GPC3: variants seen among roughly 807,000 people sequenced by gnomAD.
GPC3 encodes glypican 3.
In GPC3, 3 loss-of-function variants were observed where a neutral mutation model predicts 34.4. The ratio of observed to expected loss-of-function variants is 0.09; its 90% CI spans 0.04 to 0.23. The LOEUF is 0.23. Ranked by LOEUF, GPC3 falls within the 10% of genes least tolerant of loss-of-function variation. The pLI, the probability that GPC3 is intolerant of heterozygous loss-of-function variation, is 1.00. For synonymous variants in GPC3, 177 were observed against 174.0 expected (o/e 1.02, Z -0.13); for missense variants, 351 against 445.6 (o/e 0.79, Z 1.91).
At chrX:133,830,678 C>CAAAA (rs1174232524) in intron 2 of GPC3, among the ~76,000 whole-genome samples, 2 of 13,435 alleles carry the variant, frequency 1.5e-4, no homozygotes, top group Non-Finnish European at 2.4e-4. Flanking sequence ...GACTCCATCT[C>CAAAA]AAAAAAAAAA....
Position 133,692,426 on chromosome X carries a change from T to C in GPC3, c.1235A>G (p.His412Arg), listed in dbSNP as rs2071073427. The C allele has an allele frequency of 8.3e-7, 1 of 1,205,985 alleles. No individual in the cohort carries two copies. Among genetic ancestry groups the C allele is most frequent in the Non-Finnish European group, 1.1e-6 (1 of 889,670 alleles). The change falls in exon 5 of 8, where the codon CAT (histidine) becomes CGT (arginine). Residue 412 changes from histidine (H) to arginine (R), a missense_variant. His to Arg is a conservative substitution (Grantham distance 29). Coordinates refer to ENST00000370818, the MANE Select transcript of GPC3 (RefSeq NM_004484.4). ...YSALPGYICS[H>R]SPVAENDTLC... ...GGTGTCGTTTTCCGCCACAGGGCTATGGCTGCAGATGTAGCCAGGCAAAGC... is the reference window on the plus strand; with the variant it reads ...GGTGTCGTTTTCCGCCACAGGGCTACGGCTGCAGATGTAGCCAGGCAAAGC...
chrX:133,625,784 T>G (rs1321904205), intron 6 of GPC3, among the ~76,000 whole-genome samples: 5 of 112,050 alleles, frequency 4.5e-5, no homozygotes, highest in African/African-American at 1.3e-4. Context: ...AAGCTACCAA[T>G]GACTTTCTTC....
At chrX:133,931,055 T>G (rs1478578659) in intron 2 of GPC3, among the ~76,000 whole-genome samples, 5 of 110,747 alleles carry the variant, frequency 4.5e-5, no homozygotes, top group African/African-American at 1.6e-4. Flanking sequence ...CAAATAAGAG[T>G]GTCTGGAGTT....
chrX:133,756,918 A>G (rs185743287), intron 2 of GPC3, among the ~76,000 whole-genome samples: 1 of 112,471 alleles, frequency 8.9e-6, no homozygotes, highest in East Asian at 2.8e-4. Flanking sequence ...AACCAACACT[A>G]GGCGAAAAGC....
intron 2 of GPC3, among the ~76,000 whole-genome samples, chrX:133,926,144 CT>C (rs1353129572): frequency 9.0e-6 from 1 of 111,536 alleles, no homozygotes; most frequent in African/African-American, 3.3e-5. Flanking sequence ...AACCACCTCC[CT>C]AATTTACAAA....
intron 2 of GPC3, among the ~76,000 whole-genome samples, chrX:133,794,015 C>T (rs1569434090): frequency 8.9e-6 from 1 of 111,938 alleles, no homozygotes. Context: ...CTTCCATCTG[C>T]ACAAGAGACA....
At chrX:133,932,061 T>C (rs756241277) in intron 2 of GPC3, among the ~76,000 whole-genome samples, 5 of 112,124 alleles carry the variant, frequency 4.5e-5, no homozygotes, top group Admixed American at 9.5e-5. Context: ...TACTCCTTAA[T>C]CTGATCATTG....
rs369340949 is a variant in GPC3 at position 133,908,934 on chromosome X, A to C, written c.337+44116T>G. Among the ~76,000 whole-genome samples, 25 of 112,126 alleles carry C rather than the reference A, an allele frequency of 2.2e-4. No individual in the cohort carries two copies. The East Asian group carries it at 6.7e-3, about 30-fold the overall frequency. On this transcript the variant is annotated intron_variant, in intron 2 of 7. Transcript: ENST00000370818. ...GTAAGTTTTGACCTAGAGTTCCTAC[A>C]AGTTGAGATCATTTTAAATCTGGAG...
intron 2 of GPC3, among the ~76,000 whole-genome samples, chrX:133,817,811 T>A (rs1403804078): frequency 2.8e-5 from 3 of 108,265 alleles, no homozygotes; most frequent in Admixed American, 1.0e-4. Flanking sequence ...AAAATTATAA[T>A]GCAAGTTAGC....
chrX:133,815,571 A>G (rs1253811233), intron 2 of GPC3, among the ~76,000 whole-genome samples: 1 of 112,152 alleles, frequency 8.9e-6, no homozygotes, highest in African/African-American at 3.2e-5. Context: ...GAAAACTAAA[A>G]AAACTAAAAA....
At chrX:133,685,664 C>A (rs1340446546) in intron 5 of GPC3, among the ~76,000 whole-genome samples, 1 of 109,962 alleles carries the variant, frequency 9.1e-6, no homozygotes, top group African/African-American at 3.3e-5. Flanking sequence ...CCCTGCAGAT[C>A]TTAGGGAGTT....
chrX:133,785,414 C>T (rs1400299587), intron 2 of GPC3, among the ~76,000 whole-genome samples: 3 of 111,283 alleles, frequency 2.7e-5, no homozygotes, highest in African/African-American at 9.8e-5. Flanking sequence ...CTCAGTTTCT[C>T]GCCTGTAAAA....
intron 2 of GPC3, among the ~76,000 whole-genome samples, chrX:133,924,726 A>G (rs1208512598): frequency 8.9e-6 from 1 of 112,221 alleles, no homozygotes; most frequent in East Asian, 2.8e-4. Flanking sequence ...GTGAATAGGA[A>G]AAAGAAACTC....
chrX:133,899,948 G>T (rs963670618), intron 2 of GPC3, among the ~76,000 whole-genome samples: 1 of 110,468 alleles, frequency 9.1e-6, no homozygotes, highest in East Asian at 2.8e-4. Flanking sequence ...GATTACAGGC[G>T]CCCGCCACCA....
chrX:133,589,371 G>A (rs921178042), intron 7 of GPC3, among the ~76,000 whole-genome samples: 1 of 110,889 alleles, frequency 9.0e-6, no homozygotes, highest in Admixed American at 9.6e-5. Flanking sequence ...TTTTATTTAT[G>A]TATTTACTTA....
chrX:133,968,482 T>A (rs1036139949), intron 1 of GPC3, among the ~76,000 whole-genome samples: 9 of 112,273 alleles, frequency 8.0e-5, no homozygotes, highest in African/African-American at 2.6e-4. Context: ...CTTGAACAAG[T>A]CATTAAACCT....
intron 2 of GPC3, among the ~76,000 whole-genome samples, chrX:133,847,788 G>A (rs754451061): frequency 2.7e-4 from 30 of 112,029 alleles, no homozygotes; most frequent in African/African-American, 9.7e-4. Flanking sequence ...CTAATATTTT[G>A]AGTTATTTCT....
chrX:133,837,825 A>G (rs867302253), intron 2 of GPC3, among the ~76,000 whole-genome samples: 8 of 112,397 alleles, frequency 7.1e-5, no homozygotes, highest in African/African-American at 2.6e-4. Context: ...AAATATTCAG[A>G]ATAACTAATT....
chrX:133,904,816 C>A (rs1266276596), intron 2 of GPC3, among the ~76,000 whole-genome samples: 1 of 111,256 alleles, frequency 9.0e-6, no homozygotes, highest in Non-Finnish European at 1.9e-5. Context: ...AAATAAGTAG[C>A]AATAAAAAAG....
Sources: gnomAD v4.1 joint callset for allele counts (sites outside exome capture counted in the v4.1 genomes callset) on GRCh38, gnomAD v4.1.1 for gene constraint, MANE v1.5 for transcripts, NCBI Gene and HGNC (gene_info 2026-07-23, HGNC 2026-07-21) for gene names.